Variants in TEX101 observed in about 807,000 individuals in gnomAD.
The protein encoded by TEX101 is testis expressed 101, also known as testis-expressed protein 101.
In TEX101, 10 loss-of-function variants were observed where a neutral mutation model predicts 18.1. The observed-to-expected ratio is 0.55, with a 90% CI of 0.34 to 0.94. TEX101 has a LOEUF of 0.94. Ranked by LOEUF, TEX101 falls within the 40% of genes least tolerant of loss-of-function variation. The pLI, the probability that TEX101 is intolerant of heterozygous loss-of-function variation, is 0.02. For synonymous variants in TEX101, 94 were observed against 114.8 expected (o/e 0.82, Z 1.16); for missense variants, 259 against 298.9 (o/e 0.87, Z 0.98).
intron 2 of TEX101, chr19:43,403,000 AAAAAC>A (rs1970331428): frequency 4.6e-5 from 7 of 152,254 alleles, no homozygotes; most frequent in Admixed American, 3.9e-4. Flanking sequence ...ACCAGAAAGA[AAAAAC>A]AAAAGATAGA....
chr19:43,391,993 G>T, the TEX101 span, among the ~76,000 whole-genome samples: 1 of 152,134 alleles, frequency 6.6e-6, no homozygotes, highest in East Asian at 1.9e-4. Context: ...AACCCTGCTG[G>T]CCACCCAAGA....
chr19:43,410,312 T>TG (rs1020939765), upstream of TEX101, among the ~76,000 whole-genome samples: 41 of 151,912 alleles, frequency 2.7e-4, no homozygotes, highest in African/African-American at 9.2e-4. Context: ...AACAAATGCA[T>TG]GGGGGAAGCG....
chr19:43,414,854 G>A, upstream of TEX101: 1 of 985,448 alleles, frequency 1.0e-6, no homozygotes, highest in Non-Finnish European at 1.2e-6. Flanking sequence ...GGGGTTTCGA[G>A]TGCTGTGTGG....
At chr19:43,416,051 G>A (rs772253784) in intron 2 of TEX101, 48 bp from the exon 3 acceptor site, 13 of 1,609,922 alleles carry the variant, frequency 8.1e-6, no homozygotes, top group South Asian at 4.4e-5. Context: ...AAAGGGAGCC[G>A]CCTTGGCCCA....
At chr19:43,395,600 A>C in the TEX101 span, among the ~76,000 whole-genome samples, 1 of 152,244 alleles carries the variant, frequency 6.6e-6, no homozygotes, top group Non-Finnish European at 1.5e-5. Flanking sequence ...CATGCTCTCA[A>C]GGACCTCCCA....
intron 4 of TEX101, among the ~76,000 whole-genome samples, chr19:43,417,076 G>A (rs571768522): frequency 2.7e-5 from 4 of 148,492 alleles, no homozygotes; most frequent in African/African-American, 9.9e-5. Context: ...GTAGGTTTCC[G>A]AACAGGGTGG....
At chr19:43,411,639 T>C (rs1970420266), upstream of TEX101, among the ~76,000 whole-genome samples, 5 of 151,916 alleles carry the variant, frequency 3.3e-5, 1 homozygote, top group South Asian at 4.2e-4. Context: ...ATTTTCTTTT[T>C]TTTCTTTTTT....
intron 1 of TEX101, among the ~76,000 whole-genome samples, chr19:43,401,808 G>C (rs1374981077): frequency 6.6e-6 from 1 of 151,852 alleles, no homozygotes; most frequent in Non-Finnish European, 1.5e-5. Context: ...TTGTGCCATT[G>C]CACTCCAGCC....
In TEX101 at chr19:43,416,104, C is replaced by A; in HGVS notation, c.70C>A (p.Leu24Ile). ...VLGASLLTSG[L>I]ELYCQKGLSM... The stretch of plus-strand genomic sequence containing the variant: ...TTTTCTTGTTTTCTCCTCAGCGGGC[C>A]TAGAGCTGTATTGTCAAAAGGGTCT... The change falls in exon 3 of 6, where the codon CTA (leucine) becomes ATA (isoleucine). Residue 24 changes from leucine (L) to isoleucine (I), a missense_variant. Physicochemically the swap from Leu to Ile is conservative, Grantham distance 5 (BLOSUM62 2). Transcript: ENST00000598265. 1 of 1,610,292 alleles carries A rather than the reference C, an allele frequency of 6.2e-7. No homozygotes were observed. The highest frequency in any genetic ancestry group is 8.5e-7 in the Non-Finnish European group (1 of 1,178,236).
upstream of TEX101, among the ~76,000 whole-genome samples, chr19:43,399,802 A>AT (rs71169230): frequency 0.085 from 9,599 of 113,216 alleles, 433 homozygotes; most frequent in Middle Eastern, 0.16. Flanking sequence ...CCTATGTCCT[A>AT]TTTTTTTTTT....
intron 2 of TEX101, among the ~76,000 whole-genome samples, chr19:43,405,572 AAAAG>A (rs1970353581): frequency 6.6e-6 from 1 of 150,896 alleles, no homozygotes; most frequent in African/African-American, 2.4e-5. Flanking sequence ...AAAAAAAAAA[AAAAG>A]AGGCAAAGAC....
At chr19:43,415,322 A>G (rs1970461870) in intron 1 of TEX101, among the ~76,000 whole-genome samples, 1 of 151,904 alleles carries the variant, frequency 6.6e-6, no homozygotes, top group Non-Finnish European at 1.5e-5. Context: ...CACACTCCTG[A>G]TCCTGAAGTT....
chr19:43,406,920 C>CT (rs1970369198), intron 3 of TEX101, among the ~76,000 whole-genome samples: 1 of 117,832 alleles, frequency 8.5e-6, no homozygotes, highest in African/African-American at 3.4e-5. Context: ...TGTTTTTTGT[C>CT]TTTGTTTTTT....
chr19:43,417,788 G>T (rs1238011165), intron 4 of TEX101, 90 bp from the exon 5 acceptor site: 16 of 1,545,272 alleles, frequency 1.0e-5, no homozygotes, highest in Non-Finnish European at 1.4e-5. Context: ...AGTGGCATCT[G>T]CAGGAAAATC....
chr19:43,390,205 T>C, the TEX101 span, among the ~76,000 whole-genome samples: 1 of 152,090 alleles, frequency 6.6e-6, no homozygotes, highest in Non-Finnish European at 1.5e-5. Context: ...GGCTCAGAAA[T>C]TTGCATCCGT....
chr19:43,398,627 C>T (rs1970294292), upstream of TEX101, among the ~76,000 whole-genome samples: 2 of 152,132 alleles, frequency 1.3e-5, no homozygotes, highest in Admixed American at 1.3e-4. Flanking sequence ...AAGTATCTTT[C>T]ATTCTACAAC....
At chr19:43,391,316 G>A in the TEX101 span, among the ~76,000 whole-genome samples, 60 of 151,818 alleles carry the variant, frequency 4.0e-4, no homozygotes, top group East Asian at 0.011. Flanking sequence ...TTTGAGAAAC[G>A]ACCACAGTGG....
chr19:43,411,837 G>A (rs183181392), upstream of TEX101, among the ~76,000 whole-genome samples: 278 of 152,192 alleles, frequency 1.8e-3, no homozygotes, highest in African/African-American at 5.2e-3. Flanking sequence ...TTTTAGCAGA[G>A]ACAGGGTTTC....
chr19:43,394,976 C>G, the TEX101 span, among the ~76,000 whole-genome samples: 1 of 152,098 alleles, frequency 6.6e-6, no homozygotes, highest in Non-Finnish European at 1.5e-5. Flanking sequence ...TAAAAAGGCA[C>G]ACAATTTTCA....
Sources: allele counts gnomAD v4.1 joint callset (sites outside exome capture counted in the v4.1 genomes callset), GRCh38; gene constraint gnomAD v4.1.1; transcripts MANE v1.5; gene names NCBI Gene and HGNC (gene_info 2026-07-23, HGNC 2026-07-21).